The following RXRA variants were observed in gnomAD, a reference collection of about 807,000 sequenced individuals.
The protein encoded by RXRA is retinoid X receptor alpha.
A neutral mutation model predicts 44.5 loss-of-function variants in RXRA; 5 were observed. The ratio of observed to expected loss-of-function variants is 0.11; its 90% confidence interval spans 0.06 to 0.24. The LOEUF is 0.24. RXRA is among the 10% of genes least tolerant of loss of function. The probability of loss-of-function intolerance (pLI) is 1.00; values close to 1 mark genes in which losing one functional copy is unlikely to be tolerated. For missense variants in RXRA, 412 were observed against 646.5 expected, an observed-to-expected ratio of 0.64 and a Z score of 3.93; for synonymous variants, 291 against 271.4, an observed-to-expected ratio of 1.07 and a Z score of -0.71.
chr9:134,337,671 C>T (rs958075557), intron 1 of RXRA, among the ~76,000 whole-genome samples: 7 of 152,054 alleles, frequency 4.6e-5, no homozygotes, highest in East Asian at 1.9e-4. Flanking sequence ...ATGAAGGATG[C>T]GTAGGAGTTG....
intron 6 of RXRA, among the ~76,000 whole-genome samples, chr9:134,428,108 T>C (rs1326693568): frequency 6.6e-6 from 1 of 152,172 alleles, no homozygotes; most frequent in East Asian, 1.9e-4. Context: ...CGATGCCTGC[T>C]CTGCTTCATC....
chr9:134,424,979 G>A (rs1831408622), intron 6 of RXRA: 1 of 985,366 alleles, frequency 1.0e-6, no homozygotes, highest in Admixed American at 6.1e-5. Context: ...TCCCAGTGCT[G>A]GTGGGGGAGG....
intron 1 of RXRA, among the ~76,000 whole-genome samples, chr9:134,340,347 G>T (rs764288182): frequency 6.6e-6 from 1 of 152,184 alleles, no homozygotes; most frequent in African/African-American, 2.4e-5. Context: ...TTTGGCCATC[G>T]TGGGGATGGT....
chr9:134,375,053 G>C (rs750514942), intron 1 of RXRA, among the ~76,000 whole-genome samples: 13 of 152,300 alleles, frequency 8.5e-5, no homozygotes, highest in Admixed American at 2.0e-4. Context: ...GTGCTCTTGA[G>C]GGGGTGTGTA....
intron 9 of RXRA, 35 bp from the exon 10 acceptor site, chr9:134,436,432 C>T: frequency 6.2e-7 from 1 of 1,609,548 alleles, no homozygotes; most frequent in Non-Finnish European, 8.5e-7. Flanking sequence ...TGCCCATGCC[C>T]CTTGCCCGGC....
chr9:134,423,237 A>G lies in RXRA; in HGVS notation c.910+1432A>G, dbSNP rs955413170. ...TGGTGAAGCAACACGTTGGGTGCCC[A>G]GGTCTGCCCTCACTGCCCGACGATG... On this transcript the variant is annotated intron_variant, in intron 6 of 9. Transcript: ENST00000481739. The G allele has an allele frequency of 3.0e-6, 3 of 985,298 alleles. No individual in the cohort carries two copies. In the African/African-American group the frequency reaches 5.2e-5, roughly 17 times the overall value. 61.0% of individuals were successfully genotyped at this position (985,298 alleles called of 1,614,324 possible). A position where few individuals can be genotyped will look rare whatever the true frequency, so the allele number is the denominator to read the frequency against.
intron 1 of RXRA, among the ~76,000 whole-genome samples, chr9:134,382,885 C>T (rs1027315911): frequency 4.6e-5 from 7 of 152,182 alleles, no homozygotes; most frequent in South Asian, 2.1e-4. Flanking sequence ...CGGTGCTGGG[C>T]GCAGCACCTG....
chr9:134,345,174 C>G (rs1182491450), intron 1 of RXRA, among the ~76,000 whole-genome samples: 1 of 152,202 alleles, frequency 6.6e-6, no homozygotes, highest in Non-Finnish European at 1.5e-5. Flanking sequence ...AGTGGACGTG[C>G]CCTGGAGGTT....
intron 6 of RXRA, among the ~76,000 whole-genome samples, chr9:134,428,469 C>G (rs1339675058): frequency 7.6e-6 from 1 of 132,366 alleles, no homozygotes; most frequent in African/African-American, 3.0e-5. Flanking sequence ...AACCACCCAC[C>G]CCCCAGGGAA....
At chr9:134,398,569 C>G (rs1830914623) in intron 1 of RXRA, among the ~76,000 whole-genome samples, 1 of 152,150 alleles carries the variant, frequency 6.6e-6, no homozygotes, top group Non-Finnish European at 1.5e-5. Context: ...GGAGCAGGGC[C>G]CAGGGGCAGC....
intron 1 of RXRA, among the ~76,000 whole-genome samples, chr9:134,328,204 C>G (rs759487524): frequency 6.6e-6 from 1 of 152,182 alleles, no homozygotes; most frequent in African/African-American, 2.4e-5. Context: ...CCAGACGATT[C>G]CTCTGGAACA....
intron 1 of RXRA, among the ~76,000 whole-genome samples, chr9:134,350,478 C>T (rs773666168): frequency 3.3e-5 from 5 of 152,198 alleles, no homozygotes; most frequent in Non-Finnish European, 5.9e-5. Context: ...CCAGGGGCTG[C>T]CCGTGGGCGG....
At chr9:134,377,289 C>T (rs540631981) in intron 1 of RXRA, among the ~76,000 whole-genome samples, 13 of 152,366 alleles carry the variant, frequency 8.5e-5, no homozygotes, top group Non-Finnish European at 1.5e-4. Context: ...GCTGCCCTCC[C>T]TGGGCCACAT....
At chr9:134,345,476 C>CA (rs1428137410) in intron 1 of RXRA, among the ~76,000 whole-genome samples, 1 of 152,220 alleles carries the variant, frequency 6.6e-6, no homozygotes, top group African/African-American at 2.4e-5. Context: ...GGAGAAGCCT[C>CA]AGCCCTGGCC....
At chr9:134,428,231 C>G (rs1249484226) in intron 6 of RXRA, among the ~76,000 whole-genome samples, 1 of 149,354 alleles carries the variant, frequency 6.7e-6, no homozygotes, top group African/African-American at 2.5e-5. Context: ...AGGGAACCCC[C>G]ACTGTGTTGA....
At chr9:134,341,518 G>A (rs932114432) in intron 1 of RXRA, among the ~76,000 whole-genome samples, 1 of 152,218 alleles carries the variant, frequency 6.6e-6, no homozygotes. Context: ...TTACTTCCCC[G>A]TTGGCTCTTT....
intron 6 of RXRA, chr9:134,422,669 C>T (rs1396153369): frequency 1.0e-6 from 1 of 984,442 alleles, no homozygotes; most frequent in Non-Finnish European, 1.2e-6. Context: ...CGGACACTCC[C>T]CACTCCCGGG....
chr9:134,385,456 C>T (rs1830705502), intron 1 of RXRA, among the ~76,000 whole-genome samples: 1 of 152,206 alleles, frequency 6.6e-6, no homozygotes. Flanking sequence ...TCCATTCCGG[C>T]CCCTGCCTTG....
At chr9:134,422,449 C>G in intron 6 of RXRA, 1 of 1,266,164 alleles carries the variant, frequency 7.9e-7, no homozygotes, top group Non-Finnish European at 1.0e-6. Flanking sequence ...CCTAGACACT[C>G]CCTACTCCCG....
Sources: allele counts gnomAD v4.1 joint callset (sites outside exome capture counted in the v4.1 genomes callset), GRCh38; gene constraint gnomAD v4.1.1; transcripts MANE v1.5; gene names NCBI Gene and HGNC (gene_info 2026-07-23, HGNC 2026-07-21).